The following ADK variants were observed in gnomAD, a reference collection of about 807,000 sequenced individuals.
ADK encodes the protein N6,N6-dimethyladenosine kinase.
A neutral mutation model predicts 44.7 loss-of-function variants in ADK; 24 were observed. That is an observed-to-expected ratio of 0.54 (90% CI 0.39 to 0.76). The LOEUF (loss-of-function observed/expected upper bound fraction) is 0.76, where lower values mean the gene tolerates loss of function less well. Ranked by LOEUF, ADK falls within the 30% of genes least tolerant of loss-of-function variation. ADK has a pLI of 0.00. For synonymous variants in ADK, 128 were observed against 142.6 expected, an observed-to-expected ratio of 0.90 and a Z score of 0.73; for missense variants, 321 against 425.1, an observed-to-expected ratio of 0.76 and a Z score of 2.15.
Position 74,278,870 on chromosome 10 carries a change from CT to C in ADK, c.195-35792del, listed in dbSNP as rs563160855. ...CATTTATACATTAGGAGTCCTTTTG[CT>C]TTTTATATGTCTTTTATAATAGCCA... On this transcript the variant is annotated intron_variant, in intron 3 of 10. Coordinates refer to ENST00000539909, the MANE Select transcript of ADK (RefSeq NM_006721.4). Among the ~76,000 whole-genome samples, 9 of 152,276 alleles carry C rather than the reference CT, an allele frequency of 5.9e-5. No homozygotes were observed. The East Asian group carries it at 1.7e-3, about 29-fold the overall frequency.
intron 6 of ADK, among the ~76,000 whole-genome samples, chr10:74,445,645 C>A (rs997999680): frequency 1.3e-5 from 2 of 151,870 alleles, no homozygotes; most frequent in Admixed American, 6.6e-5. Flanking sequence ...TTCCTGAAAA[C>A]CCCACAATTA....
At chr10:74,628,196 A>C (rs930397437) in intron 9 of ADK, among the ~76,000 whole-genome samples, 1 of 152,150 alleles carries the variant, frequency 6.6e-6, no homozygotes, top group Non-Finnish European at 1.5e-5. Context: ...AACAGTCTCA[A>C]TTCAGGCTCA....
chr10:74,396,365 C>T (rs1843508864), intron 5 of ADK, among the ~76,000 whole-genome samples: 1 of 152,012 alleles, frequency 6.6e-6, no homozygotes. Context: ...GAAACTCCAT[C>T]TCTACAAAAA....
intron 3 of ADK, among the ~76,000 whole-genome samples, chr10:74,244,278 TG>T: frequency 6.6e-6 from 1 of 152,308 alleles, no homozygotes; most frequent in Admixed American, 6.5e-5. Context: ...GCCCACCAGA[TG>T]GTGCTATTTC....
intron 1 of ADK, among the ~76,000 whole-genome samples, chr10:74,151,641 G>C (rs1017972356): frequency 6.6e-6 from 1 of 152,218 alleles, no homozygotes; most frequent in Non-Finnish European, 1.5e-5. Flanking sequence ...GGCTGGGCTG[G>C]TGCGACCCCG....
chr10:74,193,131 A>T (rs1843003997), intron 1 of ADK, among the ~76,000 whole-genome samples: 2 of 152,028 alleles, frequency 1.3e-5, no homozygotes, highest in Admixed American at 1.3e-4. Context: ...ATCCCTTTGT[A>T]TCTGGTGATA....
At position 74,628,537 on chromosome 10, in the gene ADK, T is replaced by C. The variant is rs77521979; in HGVS notation, c.877+28044T>C. ...TCTCACTCGTCTCACCTGGATTAAGTTTTTTTCAGGTCCTGCTGGCTCCAC... is the reference window on the plus strand; with the variant it reads ...TCTCACTCGTCTCACCTGGATTAAGCTTTTTTCAGGTCCTGCTGGCTCCAC... On this transcript the variant is annotated intron_variant, in intron 9 of 10. Coordinates refer to ENST00000539909, the MANE Select transcript of ADK (RefSeq NM_006721.4). 7.9e-3 allele frequency among the ~76,000 whole-genome samples: 1,199 copies of C among 151,642 alleles called. 15 individuals carry two copies. The highest frequency in any genetic ancestry group is 0.027 in the African/African-American group (1,124 of 41,476).
At chr10:74,364,306 C>G (rs1234314883) in intron 4 of ADK, among the ~76,000 whole-genome samples, 1 of 152,202 alleles carries the variant, frequency 6.6e-6, no homozygotes, top group African/African-American at 2.4e-5. Flanking sequence ...AACAGGCAAA[C>G]TCTCCAACAT....
chr10:74,707,645 C>T (rs1323026764), intron 10 of ADK, among the ~76,000 whole-genome samples: 3 of 151,354 alleles, frequency 2.0e-5, no homozygotes, highest in Non-Finnish European at 4.4e-5. Context: ...CACCTGTAAT[C>T]CCAGCTACTC....
chr10:74,174,186 T>C (rs548485167), intron 1 of ADK, among the ~76,000 whole-genome samples: 4 of 151,572 alleles, frequency 2.6e-5, no homozygotes, highest in Admixed American at 1.3e-4. Flanking sequence ...TGCGTGCCTT[T>C]AGTCCCAGCT....
intron 6 of ADK, among the ~76,000 whole-genome samples, chr10:74,412,248 T>C (rs1844208101): frequency 6.6e-6 from 1 of 152,110 alleles, no homozygotes; most frequent in South Asian, 2.1e-4. Flanking sequence ...GCAGTAACAA[T>C]CACTGCACAT....
chr10:74,260,088 A>G (rs1337945453), intron 3 of ADK, among the ~76,000 whole-genome samples: 2 of 152,094 alleles, frequency 1.3e-5, no homozygotes, highest in African/African-American at 4.8e-5. Flanking sequence ...ATATGTGTAC[A>G]TGGTTAACAA....
intron 7 of ADK, among the ~76,000 whole-genome samples, chr10:74,550,130 G>A (rs1209696454): frequency 1.3e-5 from 2 of 150,494 alleles, no homozygotes; most frequent in African/African-American, 4.9e-5. Flanking sequence ...CAGTGCAGTG[G>A]CGTGATCTTG....
intron 7 of ADK, among the ~76,000 whole-genome samples, chr10:74,574,166 C>CT (rs746368755): frequency 0.012 from 1,684 of 134,904 alleles, 19 homozygotes; most frequent in African/African-American, 0.021. Flanking sequence ...TACTTTCTTT[C>CT]TTTTTTTTTT....
intron 3 of ADK, among the ~76,000 whole-genome samples, chr10:74,232,955 C>T (rs1052250966): frequency 1.3e-5 from 2 of 152,146 alleles, no homozygotes; most frequent in Non-Finnish European, 2.9e-5. Flanking sequence ...TAAACATGGT[C>T]TTATATTCAT....
chr10:74,335,598 A>G (rs1171512660), intron 4 of ADK, among the ~76,000 whole-genome samples: 1 of 152,182 alleles, frequency 6.6e-6, no homozygotes, highest in Non-Finnish European at 1.5e-5. Flanking sequence ...TTTTCATTTT[A>G]CTAGATGTAT....
intron 3 of ADK, among the ~76,000 whole-genome samples, chr10:74,246,750 G>A (rs1381085783): frequency 6.6e-6 from 1 of 152,046 alleles, no homozygotes; most frequent in Admixed American, 6.6e-5. Context: ...TTTTTAGTCT[G>A]GTCTTCTTTT....
chr10:74,613,944 G>A (rs568022212), intron 9 of ADK, among the ~76,000 whole-genome samples: 3 of 152,176 alleles, frequency 2.0e-5, no homozygotes, highest in Non-Finnish European at 2.9e-5. Flanking sequence ...AAAATGTCTT[G>A]TATGGCATTC....
intron 1 of ADK, chr10:74,176,738 G>T: frequency 6.6e-7 from 1 of 1,514,272 alleles, no homozygotes; most frequent in Non-Finnish European, 8.8e-7. Flanking sequence ...CCGCCCGCGC[G>T]CGGGGTGTGT....
Sources: gnomAD v4.1 joint callset for allele counts (sites outside exome capture counted in the v4.1 genomes callset) on GRCh38, gnomAD v4.1.1 for gene constraint, MANE v1.5 for transcripts, NCBI Gene and HGNC (gene_info 2026-07-23, HGNC 2026-07-21) for gene names.